The following DLGAP1 variants were observed in gnomAD, a reference collection of about 807,000 sequenced individuals.
DLGAP1 encodes DLG associated protein 1.
Under a neutral mutation model 90.8 loss-of-function variants are expected in DLGAP1, and 11 were observed. The observed-to-expected ratio is 0.12, with a 90% CI of 0.08 to 0.20. The LOEUF (loss-of-function observed/expected upper bound fraction) is 0.20, where lower values mean the gene tolerates loss of function less well. Among genes scored for constraint, DLGAP1 ranks in the 10% least tolerant of loss-of-function variants. The pLI is 1.00. For synonymous variants in DLGAP1, 558 were observed against 540.7 expected, an observed-to-expected ratio of 1.03 and a Z score of -0.44; for missense variants, 1,050 against 1,333.8, an observed-to-expected ratio of 0.79 and a Z score of 3.31.
chr18:4,135,787 A>ACTT (rs2076389142), intron 2 of DLGAP1, among the ~76,000 whole-genome samples: 1 of 95,308 alleles, frequency 1.0e-5, no homozygotes, highest in African/African-American at 5.9e-5. Context: ...AGAGAATCTG[A>ACTT]TTCTTTTTTT....
intron 2 of DLGAP1, among the ~76,000 whole-genome samples, chr18:4,099,249 T>G (rs189312534): frequency 2.1e-5 from 3 of 143,204 alleles, no homozygotes; most frequent in Non-Finnish European, 4.6e-5. Flanking sequence ...TCTGTCTGTC[T>G]GTCTGTCTGT....
intron 2 of DLGAP1, among the ~76,000 whole-genome samples, chr18:4,041,073 G>C (rs2074966865): frequency 6.6e-6 from 1 of 152,216 alleles, no homozygotes; most frequent in African/African-American, 2.4e-5. Flanking sequence ...AGCTAGAACA[G>C]AGAGCAAACG....
intron 1 of DLGAP1, among the ~76,000 whole-genome samples, chr18:4,385,637 C>T (rs1470630757): frequency 6.6e-6 from 1 of 152,108 alleles, no homozygotes; most frequent in Non-Finnish European, 1.5e-5. Flanking sequence ...CGGGTAGCAT[C>T]CAATTGACAG....
At chr18:4,122,566 T>C (rs1161371656) in intron 2 of DLGAP1, among the ~76,000 whole-genome samples, 10 of 152,222 alleles carry the variant, frequency 6.6e-5, no homozygotes, top group Admixed American at 6.5e-4. Context: ...TTTTTTGCAC[T>C]GTTAGGACTT....
chr18:4,179,084 C>A (rs1187215459), intron 1 of DLGAP1, among the ~76,000 whole-genome samples: 2 of 152,154 alleles, frequency 1.3e-5, no homozygotes, highest in Non-Finnish European at 2.9e-5. Context: ...GTAAAGGTAG[C>A]TCCTTCGCAG....
chr18:3,582,308 T>C (rs1056066677), intron 7 of DLGAP1, 60 bp from the exon 8 acceptor site: 3 of 1,557,512 alleles, frequency 1.9e-6, no homozygotes, highest in African/African-American at 2.7e-5. Context: ...TTTCTGATAT[T>C]GTAACTGACA....
chr18:3,785,001 T>TA (rs549461514), intron 5 of DLGAP1, among the ~76,000 whole-genome samples: 17 of 152,006 alleles, frequency 1.1e-4, no homozygotes, highest in African/African-American at 3.4e-4. Context: ...CTTCTCCCTT[T>TA]AAAAAAAATC....
At chr18:4,060,830 TG>T (rs1468215059) in intron 2 of DLGAP1, among the ~76,000 whole-genome samples, 2 of 152,198 alleles carry the variant, frequency 1.3e-5, no homozygotes, top group Admixed American at 1.3e-4. Context: ...AAAGATGTTT[TG>T]GAGAAGTCAG....
At chr18:3,955,788 A>G (rs1297954352) in intron 3 of DLGAP1, among the ~76,000 whole-genome samples, 1 of 152,190 alleles carries the variant, frequency 6.6e-6, no homozygotes, top group East Asian at 1.9e-4. Flanking sequence ...AGAGAAAACT[A>G]GTATGTGTGC....
chr18:4,304,520 T>C lies in DLGAP1; in HGVS notation c.-267+150486A>G, dbSNP rs562522027. Among the ~76,000 whole-genome samples, 15 of 152,366 alleles carry C rather than the reference T, an allele frequency of 9.8e-5. No individual in the cohort carries two copies. The South Asian group carries it at 3.1e-3, about 32-fold the overall frequency. ...TGAACACATTTTGGAAAGATATAATTAGTTAATGATGCCTTGTCACTACTG... is the reference window on the plus strand; with the variant it reads ...TGAACACATTTTGGAAAGATATAATCAGTTAATGATGCCTTGTCACTACTG... On this transcript the variant is annotated intron_variant, in intron 1 of 12. Coordinates refer to ENST00000315677, the MANE Select transcript of DLGAP1 (RefSeq NM_004746.4).
At chr18:3,507,940 T>C (rs1253084246) in intron 11 of DLGAP1, among the ~76,000 whole-genome samples, 2 of 152,236 alleles carry the variant, frequency 1.3e-5, no homozygotes, top group Non-Finnish European at 2.9e-5. Flanking sequence ...TTTTGCCATC[T>C]TGGCCAGGCT....
intron 6 of DLGAP1, 142 bp downstream of exon 6, chr18:3,742,193 G>T: frequency 9.4e-7 from 1 of 1,067,018 alleles, no homozygotes; most frequent in Non-Finnish European, 1.3e-6. Context: ...CATGCTCTTT[G>T]CAGCACTTGA....
intron 1 of DLGAP1, among the ~76,000 whole-genome samples, chr18:4,225,326 C>T (rs1052501124): frequency 1.3e-5 from 2 of 151,994 alleles, no homozygotes; most frequent in African/African-American, 2.4e-5. Context: ...CCTCCCAAGA[C>T]GGACAGGTAC....
At chr18:4,448,543 T>C (rs1443931757) in intron 1 of DLGAP1, among the ~76,000 whole-genome samples, 4 of 152,258 alleles carry the variant, frequency 2.6e-5, no homozygotes, top group East Asian at 3.9e-4. Context: ...TTATGCACCA[T>C]AGTTTATAAA....
chr18:4,393,074 T>C (rs1410185905), intron 1 of DLGAP1, among the ~76,000 whole-genome samples: 1 of 152,222 alleles, frequency 6.6e-6, no homozygotes, highest in Non-Finnish European at 1.5e-5. Context: ...CCTCACGTGG[T>C]TGTCAAATTC....
chr18:3,509,833 A>G (rs1005416202), intron 10 of DLGAP1, among the ~76,000 whole-genome samples: 8 of 152,306 alleles, frequency 5.3e-5, no homozygotes, highest in African/African-American at 1.4e-4. Flanking sequence ...GCTAGGCTAG[A>G]TAATGGTTTC....
intron 1 of DLGAP1, among the ~76,000 whole-genome samples, chr18:4,432,560 G>C (rs112466582): frequency 3.3e-5 from 5 of 151,072 alleles, no homozygotes; most frequent in African/African-American, 1.2e-4. Flanking sequence ...AAATGATACA[G>C]TCAAGCTAAC....
chr18:3,765,294 C>T (rs937236157), intron 5 of DLGAP1, among the ~76,000 whole-genome samples: 1 of 150,516 alleles, frequency 6.6e-6, no homozygotes, highest in Non-Finnish European at 1.5e-5. Context: ...CCACGCCTGG[C>T]TAGTTTTTTG....
chr18:3,864,650 C>A (rs2070278145), intron 4 of DLGAP1, among the ~76,000 whole-genome samples: 1 of 152,146 alleles, frequency 6.6e-6, no homozygotes, highest in African/African-American at 2.4e-5. Flanking sequence ...CTTCTAAGTT[C>A]ATCACTGAGA....
Sources: gnomAD v4.1 joint callset for allele counts (sites outside exome capture counted in the v4.1 genomes callset) on GRCh38, gnomAD v4.1.1 for gene constraint, MANE v1.5 for transcripts, NCBI Gene and HGNC (gene_info 2026-07-23, HGNC 2026-07-21) for gene names.